The following SMC5 variants were observed in gnomAD, a reference collection of about 807,000 sequenced individuals.
SMC5 encodes structural maintenance of chromosomes protein 5.
SMC5 carries 88 observed loss-of-function variants against 148.3 expected under a neutral mutation model. That is an observed-to-expected ratio of 0.59 (90% CI 0.50 to 0.71). The LOEUF is 0.71. SMC5 is among the 30% of genes least tolerant of loss of function. The pLI is 0.00. For missense variants in SMC5, 1,142 were observed against 1,298.9 expected (o/e 0.88, Z 1.86); for synonymous variants, 421 against 432.8 (o/e 0.97, Z 0.34).
rs1385782469 is a variant in SMC5 at position 70,314,754 on chromosome 9, A to G, written c.1591A>G (p.Lys531Glu). Residue 531 changes from lysine (K) to glutamate (E), a missense_variant, in exon 12 of 25, where the codon AAA (lysine) becomes GAA (glutamate). Around this residue, in one of 5 missense-constraint regions of SMC5, gnomAD observed 743 missense variants for 835.7 expected, o/e 0.89. Transcript: ENST00000361138. ...EVFLKEVRDNKKLRVNAVIAP... is the reference protein window; with the variant it reads ...EVFLKEVRDNEKLRVNAVIAP... ...TCCCTATATTCAGGTTCGTGACAAT[A>G]AAAAATTAAGAGTAAATGCTGTTAT... 1 of 1,551,046 alleles carries G rather than the reference A, an allele frequency of 6.4e-7. No individual in the cohort carries two copies. The highest frequency in any genetic ancestry group is 1.3e-5 in the South Asian group (1 of 79,938).
chr9:70,278,613 A>G lies in SMC5; in HGVS notation c.666A>G (p.Glu222=), dbSNP rs541585713. The stretch of plus-strand genomic sequence containing the variant: ...AACTCAAAAACTTAAGGGAGAAAGA[A>G]AAACAGCTCGAGGTACTTTAAATAG... ...HCELKNLREK[E]KQLETSCKEK... The change falls in exon 5 of 25, where the codon GAA becomes GAG. Residue 222 remains glutamate, a synonymous_variant. Transcript: ENST00000361138. The G allele has an allele frequency of 3.2e-5, 51 of 1,602,424 alleles. 2 individuals carry two copies. In the South Asian group the frequency reaches 5.1e-4, roughly 16 times the overall value.
rs948771678 is a variant in SMC5, at chr9:70,342,230, G to A, written c.2398-1914G>A. On this transcript the variant is annotated intron_variant, in intron 17 of 24. Coordinates refer to ENST00000361138, the MANE Select transcript of SMC5 (RefSeq NM_015110.4). The stretch of plus-strand genomic sequence containing the variant: ...CAGGAAGGGGAACATCACAGTCTGG[G>A]GACTGTTGTGGGGTGGGGGGAGGGG... Among the ~76,000 whole-genome samples, 403 of 129,384 alleles carry A rather than the reference G, an allele frequency of 3.1e-3. 4 individuals are homozygous for A. The highest frequency in any genetic ancestry group is 0.01 in the African/African-American group (345 of 33,930). 84.9% of individuals were successfully genotyped at this position (129,384 alleles called of 152,430 possible). A position where few individuals can be genotyped will look rare whatever the true frequency, so the allele number is the denominator to read the frequency against.
At chr9:70,347,566 A>G (rs766390899) in intron 20 of SMC5, 47 bp from the exon 21 acceptor site, 5 of 1,008,336 alleles carry the variant, frequency 5.0e-6, no homozygotes, top group Non-Finnish European at 7.4e-6. Flanking sequence ...ATATAGTTTT[A>G]TCCTTTGGTA....
At chr9:70,319,805 A>G (rs1374868791) in intron 15 of SMC5, among the ~76,000 whole-genome samples, 4 of 152,232 alleles carry the variant, frequency 2.6e-5, no homozygotes, top group African/African-American at 9.6e-5. Flanking sequence ...AGTCACATAG[A>G]TATTTCAAAC....
intron 3 of SMC5, among the ~76,000 whole-genome samples, chr9:70,272,546 C>CCA (rs1414963508): frequency 6.6e-6 from 1 of 151,838 alleles, no homozygotes; most frequent in East Asian, 1.9e-4. Context: ...GACTCCATCT[C>CCA]CACACACACA....
chr9:70,346,149 T>G (rs1190727129), intron 18 of SMC5, among the ~76,000 whole-genome samples: 2 of 152,206 alleles, frequency 1.3e-5, no homozygotes, highest in African/African-American at 4.8e-5. Flanking sequence ...AAATTTAAGA[T>G]GCCTATTAGA....
At chr9:70,287,215 AT>A (rs928186843) in intron 8 of SMC5, among the ~76,000 whole-genome samples, 8 of 152,180 alleles carry the variant, frequency 5.3e-5, no homozygotes, top group African/African-American at 1.7e-4. Context: ...ATCTGAGAAT[AT>A]AAATTAAAAG....
chr9:70,339,168 G>T lies in SMC5; in HGVS notation c.2398-4976G>T, dbSNP rs534386861. Among the ~76,000 whole-genome samples the T allele has an allele frequency of 6.8e-3, 1,041 of 152,200 alleles. 11 individuals are homozygous for T. The highest frequency in any genetic ancestry group is 0.013 in the South Asian group (61 of 4,830). Reference sequence around the variant, plus strand: ...GAATGGGCTGGGCACGGTGGCTCACGCCTGTAATCCCAGCACTTTGGGAGG... The same window carrying T: ...GAATGGGCTGGGCACGGTGGCTCACTCCTGTAATCCCAGCACTTTGGGAGG... On this transcript the variant is annotated intron_variant, in intron 17 of 24. Coordinates refer to ENST00000361138, the MANE Select transcript of SMC5 (RefSeq NM_015110.4).
At position 70,351,853 on chromosome 9, in the gene SMC5, A is replaced by T. The variant is rs182448355; in HGVS notation, c.3166-338A>T. On this transcript the variant is annotated intron_variant, in intron 24 of 24. Coordinates refer to ENST00000361138, the MANE Select transcript of SMC5 (RefSeq NM_015110.4). ...CACTTTGGGAAGCCAAGGCGGGCAG[A>T]TCACCTGAGGTCAGGAGTTCGAGAC... 4.0e-4 allele frequency among the ~76,000 whole-genome samples: 61 copies of T among 152,286 alleles called. 1 individual carries two copies. The highest frequency in any genetic ancestry group is 1.4e-3 in the African/African-American group (58 of 41,558).
intron 3 of SMC5, among the ~76,000 whole-genome samples, chr9:70,273,315 AG>A (rs1305473939): frequency 6.6e-6 from 1 of 151,700 alleles, no homozygotes; most frequent in Admixed American, 6.6e-5. Flanking sequence ...TACTTCGTAA[AG>A]GATTTTCCCA....
At chr9:70,338,493 T>C (rs984753939) in intron 17 of SMC5, among the ~76,000 whole-genome samples, 1 of 152,196 alleles carries the variant, frequency 6.6e-6, no homozygotes, top group African/African-American at 2.4e-5. Flanking sequence ...GGCCTCACTT[T>C]TTATGAATTT....
chr9:70,323,492 G>A lies in SMC5; in HGVS notation c.2160G>A (p.Leu720=). ...TATATGTGTCATACAGTTTAAAGCT[G>A]ATGGAACAGGATACTTGCAATCTTG... is the stretch of plus-strand genomic sequence containing the variant. ...KISSKLGSLK[L]MEQDTCNLEE... Residue 720 remains leucine (L), a synonymous_variant, in exon 16 of 25, where the codon CTG becomes CTA. Transcript: ENST00000361138. 1 of 1,608,862 alleles carries A rather than the reference G, an allele frequency of 6.2e-7. No individual in the cohort carries two copies.
intron 11 of SMC5, 138 bp downstream of exon 11, chr9:70,305,498 A>G: frequency 5.3e-6 from 3 of 564,648 alleles, no homozygotes; most frequent in Non-Finnish European, 9.6e-6. Flanking sequence ...CTGTTTTGCT[A>G]ATTTCTTTCC....
intron 17 of SMC5, among the ~76,000 whole-genome samples, chr9:70,330,572 C>G (rs1237143390): frequency 8.1e-6 from 1 of 123,204 alleles, no homozygotes. Flanking sequence ...TTTTTCAAGA[C>G]AGAGTCTTCA....
At chr9:70,276,871 G>A (rs1407563981) in intron 3 of SMC5, among the ~76,000 whole-genome samples, 1 of 152,148 alleles carries the variant, frequency 6.6e-6, no homozygotes, top group Non-Finnish European at 1.5e-5. Flanking sequence ...TTCTGGAAAT[G>A]CCACGAGTCA....
intron 10 of SMC5, among the ~76,000 whole-genome samples, chr9:70,300,405 C>A (rs2035328154): frequency 6.6e-6 from 1 of 151,892 alleles, no homozygotes; most frequent in Admixed American, 6.6e-5. Flanking sequence ...GTGCTTTTTT[C>A]TAGAAAGAGG....
At position 70,347,958 on chromosome 9, in the gene SMC5, G is replaced by GA. The variant is rs1215936237; in HGVS notation, c.2815dup (p.Ile939AsnfsTer2). On this transcript the variant is annotated frameshift_variant, in exon 22 of 25. Transcript: ENST00000361138. LOFTEE classifies it high-confidence loss of function. ...GCTTAATCCTTTAAAAGAGCTGGTA[G>GA]AAAAAATTAATGAAAAATTCAGCAA... The GA allele has an allele frequency of 8.7e-6, 14 of 1,605,482 alleles. No homozygotes were observed. The highest frequency in any genetic ancestry group is 1.2e-5 in the Non-Finnish European group (14 of 1,175,810).
intron 17 of SMC5, among the ~76,000 whole-genome samples, chr9:70,336,468 CAAAG>C (rs1057101131): frequency 3.3e-5 from 5 of 152,078 alleles, no homozygotes; most frequent in African/African-American, 1.2e-4. Context: ...TCACCAAGAA[CAAAG>C]GAAGGAAAGG....
intron 10 of SMC5, among the ~76,000 whole-genome samples, chr9:70,303,100 A>C (rs1279438938): frequency 6.6e-6 from 1 of 151,990 alleles, no homozygotes; most frequent in Non-Finnish European, 1.5e-5. Context: ...GGTGGCATGC[A>C]CCTGTAGTCC....
Sources: allele counts gnomAD v4.1 joint callset (sites outside exome capture counted in the v4.1 genomes callset), GRCh38; gene constraint gnomAD v4.1.1; regional missense constraint gnomAD v4.1.1; transcripts MANE v1.5; gene names NCBI Gene and HGNC (gene_info 2026-07-23, HGNC 2026-07-21).